NTM: variants seen among roughly 807,000 people sequenced by gnomAD.
NTM encodes neurotrimin.
Under a neutral mutation model 42.1 loss-of-function variants are expected in NTM, and 13 were observed. The observed-to-expected ratio is 0.31, with a 90% CI of 0.20 to 0.49. NTM has a LOEUF of 0.49. NTM is among the 20% of genes least tolerant of loss of function. The pLI is 0.99. For synonymous variants in NTM, 187 were observed against 179.2 expected (o/e 1.04, Z -0.35); for missense variants, 373 against 452.8 (o/e 0.82, Z 1.60).
At chr11:131,444,662 A>G (rs1949902254) in intron 1 of NTM, among the ~76,000 whole-genome samples, 1 of 152,204 alleles carries the variant, frequency 6.6e-6, no homozygotes, top group African/African-American at 2.4e-5. Context: ...CTAGAGCCTT[A>G]AGAAGTGTGG....
At chr11:132,134,732 TATATATATA>T (rs2067493510) in intron 2 of NTM, among the ~76,000 whole-genome samples, 1 of 74,448 alleles carries the variant, frequency 1.3e-5, no homozygotes. Context: ...TATATATATA[TATATATATA>T]TATATATATA....
intron 2 of NTM, among the ~76,000 whole-genome samples, chr11:132,069,480 T>C: frequency 8.0e-6 from 1 of 124,466 alleles, no homozygotes. Context: ...CACAGGTTAG[T>C]TAACATGTCA....
At chr11:132,069,759 A>G (rs376957791) in intron 2 of NTM, among the ~76,000 whole-genome samples, 3,235 of 149,260 alleles carry the variant, frequency 0.022, no homozygotes, top group African/African-American at 0.078. Flanking sequence ...CACACAGCCA[A>G]GTTAACACGT....
At chr11:131,461,344 G>A (rs1297842943) in intron 1 of NTM, among the ~76,000 whole-genome samples, 2 of 152,184 alleles carry the variant, frequency 1.3e-5, no homozygotes, top group Admixed American at 6.5e-5. Flanking sequence ...ATGAATTCTT[G>A]TAACTTCCAT....
At position 132,017,853 on chromosome 11, in the gene NTM, C is replaced by T. The variant is rs1231763902; in HGVS notation, c.167+106205C>T. 3.3e-5 allele frequency among the ~76,000 whole-genome samples: 5 copies of T among 151,986 alleles called. No homozygotes were observed. In the East Asian group the frequency reaches 9.7e-4, roughly 29 times the overall value. Reference sequence around the variant, plus strand: ...AGTATTATGTAGTTTTCAGTGTAGGCATTTATTGCTGTTTAATTTTTCTCG... The same window carrying T: ...AGTATTATGTAGTTTTCAGTGTAGGTATTTATTGCTGTTTAATTTTTCTCG... On this transcript the variant is annotated intron_variant, in intron 2 of 8. Transcript: ENST00000683400.
chr11:131,956,554 G>A (rs950740973), intron 2 of NTM, among the ~76,000 whole-genome samples: 9 of 151,284 alleles, frequency 5.9e-5, no homozygotes, highest in South Asian at 4.2e-4. Context: ...CATCTCCTGC[G>A]TTCCTAGGGT....
At chr11:131,770,156 A>T (rs2085818583) in intron 1 of NTM, among the ~76,000 whole-genome samples, 1 of 152,172 alleles carries the variant, frequency 6.6e-6, no homozygotes, top group Non-Finnish European at 1.5e-5. Context: ...CATTTGTTTT[A>T]TTAAATCCTT....
intron 1 of NTM, among the ~76,000 whole-genome samples, chr11:131,549,372 A>T (rs940198408): frequency 1.4e-4 from 21 of 152,120 alleles, no homozygotes; most frequent in South Asian, 4.2e-4. Context: ...CAGGCACAAA[A>T]TTTTTTTTAA....
intron 2 of NTM, among the ~76,000 whole-genome samples, chr11:131,996,470 C>T (rs576294159): frequency 1.3e-5 from 2 of 152,306 alleles, no homozygotes; most frequent in East Asian, 3.9e-4. Flanking sequence ...CCTGAAATTT[C>T]AGCTCTTCTC....
At chr11:131,567,427 G>T (rs1239036678) in intron 1 of NTM, among the ~76,000 whole-genome samples, 1 of 152,030 alleles carries the variant, frequency 6.6e-6, no homozygotes, top group East Asian at 1.9e-4. Flanking sequence ...GCAGAGTTTG[G>T]CAGTGAGGCA....
At chr11:131,552,832 T>G in intron 1 of NTM, among the ~76,000 whole-genome samples, 1 of 121,734 alleles carries the variant, frequency 8.2e-6, no homozygotes, top group East Asian at 2.6e-4. Context: ...AAAAAAAAAA[T>G]AATAGCCTCA....
chr11:131,472,311 T>C (rs1952510792), intron 1 of NTM, among the ~76,000 whole-genome samples: 1 of 152,164 alleles, frequency 6.6e-6, no homozygotes, highest in African/African-American at 2.4e-5. Context: ...CAGGAAATGA[T>C]TGCAAAGGTG....
chr11:131,888,911 T>G (rs1404567889), intron 1 of NTM, among the ~76,000 whole-genome samples: 1 of 150,666 alleles, frequency 6.6e-6, no homozygotes, highest in Admixed American at 6.8e-5. Context: ...CCTCTTTATT[T>G]TTTTTTTTTT....
chr11:131,834,454 C>T (rs1016256569), intron 1 of NTM, among the ~76,000 whole-genome samples: 4 of 151,836 alleles, frequency 2.6e-5, no homozygotes, highest in Admixed American at 2.0e-4. Context: ...GCTGGGGTTG[C>T]AGCTGTGAGT....
chr11:131,779,380 A>T (rs2087643699), intron 1 of NTM, among the ~76,000 whole-genome samples: 1 of 152,184 alleles, frequency 6.6e-6, no homozygotes, highest in Admixed American at 6.5e-5. Context: ...GTAGAAAACT[A>T]ATATAACTAT....
intron 2 of NTM, among the ~76,000 whole-genome samples, chr11:132,091,295 C>A (rs2060345543): frequency 6.6e-6 from 1 of 151,902 alleles, no homozygotes; most frequent in Admixed American, 6.6e-5. Flanking sequence ...GTAATCCCAG[C>A]TACTTGGGAG....
At chr11:132,248,173 A>G (rs1388666353) in intron 4 of NTM, among the ~76,000 whole-genome samples, 1 of 152,178 alleles carries the variant, frequency 6.6e-6, no homozygotes, top group East Asian at 1.9e-4. Flanking sequence ...CCAGTGTCCC[A>G]TTCTCAGGGA....
At chr11:132,169,959 C>A (rs1033017707) in intron 3 of NTM, among the ~76,000 whole-genome samples, 1 of 152,120 alleles carries the variant, frequency 6.6e-6, no homozygotes, top group Admixed American at 6.5e-5. Context: ...TATTCCAGGA[C>A]CTAGCAGAGC....
chr11:131,747,460 T>G (rs2081960951), intron 1 of NTM, among the ~76,000 whole-genome samples: 1 of 152,226 alleles, frequency 6.6e-6, no homozygotes. Context: ...AACATCTTAA[T>G]GAAGTTCCTC....
Sources: allele counts gnomAD v4.1 joint callset (sites outside exome capture counted in the v4.1 genomes callset), GRCh38; gene constraint gnomAD v4.1.1; transcripts MANE v1.5; gene names NCBI Gene and HGNC (gene_info 2026-07-23, HGNC 2026-07-21).